The following ELFN2 variants were observed in gnomAD, a reference collection of about 807,000 sequenced individuals.
ELFN2 encodes extracellular leucine rich repeat and fibronectin type III domain containing 2.
In ELFN2, 17 loss-of-function variants were observed where a neutral mutation model predicts 45.5. The observed-to-expected ratio is 0.37, with a 90% CI of 0.26 to 0.56. ELFN2 has a LOEUF of 0.56. ELFN2 is among the 20% of genes least tolerant of loss of function. ELFN2 has a pLI of 0.77. For missense variants in ELFN2, 922 were observed against 1,183.2 expected, an observed-to-expected ratio of 0.78 and a Z score of 3.24; for synonymous variants, 550 against 551.5, an observed-to-expected ratio of 1.00 and a Z score of 0.04.
intron 2 of ELFN2, among the ~76,000 whole-genome samples, chr22:37,386,105 C>A (rs1931939135): frequency 6.6e-6 from 1 of 152,164 alleles, no homozygotes; most frequent in African/African-American, 2.4e-5. Flanking sequence ...CTGCCTGGGT[C>A]AAGTTTGGGA....
At chr22:37,400,543 G>A (rs1049036457) in intron 2 of ELFN2, among the ~76,000 whole-genome samples, 9 of 152,302 alleles carry the variant, frequency 5.9e-5, no homozygotes, top group Non-Finnish European at 7.4e-5. Context: ...AAACCTCTTC[G>A]CTGTCACCCA....
chr22:37,361,502 C>T (rs1374067180), intron 1 of ELFN2, among the ~76,000 whole-genome samples: 1 of 152,060 alleles, frequency 6.6e-6, no homozygotes, highest in Admixed American at 6.5e-5. Context: ...CTGTGAGCAG[C>T]CTTCCAAGCC....
chr22:37,344,260 A>ACCCACCTACC (rs1930642083), intron 1 of ELFN2, among the ~76,000 whole-genome samples: 1 of 101,996 alleles, frequency 9.8e-6, no homozygotes, highest in African/African-American at 4.0e-5. Context: ...ACCCACCTAC[A>ACCCACCTACC]ACGCAATGGT....
At chr22:37,366,715 C>T (rs1388636658), downstream of ELFN2, among the ~76,000 whole-genome samples, 1 of 152,234 alleles carries the variant, frequency 6.6e-6, no homozygotes, top group East Asian at 1.9e-4. Flanking sequence ...TCCTCCTCCT[C>T]CCTTGGTGCA....
Position 37,374,874 on chromosome 22 carries a change from A to C in ELFN2, c.661T>G (p.Phe221Val), listed in dbSNP as rs1931526112. ...GGCACCAGCAGCGGGTAGCCGGCAA[A>C]CTCCCGCGGCGACTCACACTGCAGG... ...DRLQCESPRE[F>V]AGYPLLVPRP... The change falls in exon 3 of 3, where the codon TTT becomes GTT. Residue 221 changes from phenylalanine to valine, a missense_variant. Physicochemically the swap from Phe to Val is conservative, Grantham distance 50. Coordinates refer to ENST00000402918, the MANE Select transcript of ELFN2 (RefSeq NM_052906.5). 4 of 1,609,474 alleles carry C rather than the reference A, an allele frequency of 2.5e-6. No individual in the cohort carries two copies. In the South Asian group the frequency reaches 4.4e-5, roughly 18 times the overall value.
intron 1 of ELFN2, among the ~76,000 whole-genome samples, chr22:37,348,543 G>A (rs1338159373): frequency 6.6e-6 from 1 of 150,824 alleles, no homozygotes; most frequent in Non-Finnish European, 1.5e-5. Flanking sequence ...GCCTTGCAGG[G>A]AAAAGCAAGG....
At chr22:37,407,844 G>A (rs1410746118) in intron 2 of ELFN2, among the ~76,000 whole-genome samples, 2 of 151,826 alleles carry the variant, frequency 1.3e-5, no homozygotes, top group African/African-American at 4.8e-5. Context: ...GCAGTAAGCC[G>A]AGATCGCGCC....
At chr22:37,348,195 G>A (rs1488947338) in intron 1 of ELFN2, among the ~76,000 whole-genome samples, 4 of 152,242 alleles carry the variant, frequency 2.6e-5, no homozygotes, top group African/African-American at 9.6e-5. Context: ...GTGCGCTCAT[G>A]TATGAGGCAT....
At chr22:37,423,355 C>A (rs1932824856) in intron 1 of ELFN2, among the ~76,000 whole-genome samples, 1 of 152,172 alleles carries the variant, frequency 6.6e-6, no homozygotes, top group African/African-American at 2.4e-5. Context: ...CACCCATTTA[C>A]AGATAAGCAA....
chr22:37,373,122 G>A lies in ELFN2; in HGVS notation c.2413C>T (p.His805Tyr), dbSNP rs751906828. ...CCCTTCCAGTAATCAAGGATGTCAT[G>A]CAGATCCTCGTCCTTGGCGAACTGG... ...KVQFAKDEDL[H>Y]DILDYWKGVS... The change falls in exon 3 of 3, where the codon CAT (histidine) becomes TAT (tyrosine). Residue 805 changes from histidine to tyrosine, a missense_variant. This residue lies in a region of ELFN2 where 564 missense variants were observed against 642.8 expected (regional missense o/e 0.88). Coordinates refer to ENST00000402918, the MANE Select transcript of ELFN2 (RefSeq NM_052906.5). 1 of 1,611,508 alleles carries A rather than the reference G, an allele frequency of 6.2e-7. No individual in the cohort carries two copies. The highest frequency in any genetic ancestry group is 1.7e-5 in the Admixed American group (1 of 59,970).
At position 37,347,782 on chromosome 22, in the gene ELFN2, T is replaced by C. The variant is rs116695103; in HGVS notation, n.149-5079A>G. ...GATGGGCCCCCTGGGAAAGTCATAA[T>C]GTCTGACATACTAAGGCAGGGAACC... On this transcript the variant is annotated intron_variant and non_coding_transcript_variant, in intron 1 of 2. Transcript: ENST00000452946. Among the ~76,000 whole-genome samples the C allele has an allele frequency of 2.7e-3, 409 of 152,306 alleles. 5 individuals are homozygous for C. The highest frequency in any genetic ancestry group is 9.6e-3 in the African/African-American group (397 of 41,566).
Position 37,353,557 on chromosome 22 carries a change from A to AGGACTCTT in ELFN2, n.149-10855_149-10854insAAGAGTCC, listed in dbSNP as rs1930875845. On this transcript the variant is annotated intron_variant and non_coding_transcript_variant, in intron 1 of 2. Transcript: ENST00000452946. ...GATTTGCAACAGGACTCTTAATTAC[A>AGGACTCTT]AATCAATGAGAGAAACGGAGATAAC... 1.3e-5 allele frequency: 2 copies of AGGACTCTT among 151,118 alleles called. 1 individual carries two copies. The highest frequency in any genetic ancestry group is 3.0e-5 in the Non-Finnish European group (2 of 67,406). The allele number at this position is 151,118 out of a possible 1,614,324, so 9.4% of individuals were successfully genotyped here.
intron 2 of ELFN2, among the ~76,000 whole-genome samples, chr22:37,394,818 C>T (rs886284675): frequency 1.3e-5 from 2 of 152,068 alleles, no homozygotes; most frequent in African/African-American, 2.4e-5. Flanking sequence ...AGATAAAGAT[C>T]GTCAGGCCAG....
At chr22:37,346,296 G>A (rs952178742) in intron 1 of ELFN2, among the ~76,000 whole-genome samples, 32 of 152,176 alleles carry the variant, frequency 2.1e-4, no homozygotes, top group Admixed American at 5.9e-4. Context: ...GGCTGGCATT[G>A]AGGGCCCTGG....
chr22:37,402,260 T>C (rs527397788), intron 2 of ELFN2, among the ~76,000 whole-genome samples: 2 of 152,350 alleles, frequency 1.3e-5, no homozygotes, highest in East Asian at 1.9e-4. Flanking sequence ...AATCCATTTG[T>C]AGAGTTTGTC....
intron 1 of ELFN2, among the ~76,000 whole-genome samples, chr22:37,357,912 A>G (rs1006249307): frequency 6.6e-6 from 1 of 152,124 alleles, no homozygotes; most frequent in Non-Finnish European, 1.5e-5. Flanking sequence ...CCCCCTCCAC[A>G]CATCACCCTG....
In ELFN2 at chr22:37,417,039, C is replaced by T. The variant is rs1262121395; in HGVS notation, c.-463+730G>A. ...TGCCACAGAGGCGGCTCCCTCACCA[C>T]GGCAACCACCGTCACTCAGCGCCGC... On this transcript the variant is annotated intron_variant, in intron 2 of 2. Transcript: ENST00000402918. The surrounding 1 kb of genome is among the most constrained non-coding windows in gnomAD (Gnocchi z 4.5). Among the ~76,000 whole-genome samples the T allele has an allele frequency of 2.0e-5, 3 of 152,090 alleles. No individual in the cohort carries two copies. Among genetic ancestry groups the T allele is most frequent in the Admixed American group, 6.5e-5 (1 of 15,272 alleles).
At position 37,373,310 on chromosome 22, in the gene ELFN2, G is replaced by C; in HGVS notation, c.2225C>G (p.Thr742Ser). 6.2e-7 allele frequency: 1 copy of C among 1,613,762 alleles called. No homozygotes were observed. The highest frequency in any genetic ancestry group is 8.5e-7 in the Non-Finnish European group (1 of 1,180,010). ...KPLTRSKRDSTYSQLSPRHYY... is the reference protein window; with the variant it reads ...KPLTRSKRDSSYSQLSPRHYY... ...GTGTCTGGGGGAGAGCTGCGAGTAG[G>C]TGGAGTCACGCTTGGAGCGGGTCAG... Residue 742 changes from threonine (T) to serine (S), a missense_variant, in exon 3 of 3, where the codon ACC (threonine) becomes AGC (serine). By Grantham distance (58) the Thr-to-Ser change is moderately conservative. Coordinates refer to ENST00000402918, the MANE Select transcript of ELFN2 (RefSeq NM_052906.5).
chr22:37,391,609 C>T lies in ELFN2; in HGVS notation c.-462-15613G>A, dbSNP rs527660979. 1.4e-4 allele frequency among the ~76,000 whole-genome samples: 21 copies of T among 152,276 alleles called. 1 individual carries two copies. In the South Asian group the frequency reaches 2.1e-3, roughly 15 times the overall value. The stretch of plus-strand genomic sequence containing the variant: ...TAAAGTGGCTCAGCACCCATGACTC[C>T]CCAGATACAAGTCCAGCTGATACAG... On this transcript the variant is annotated intron_variant, in intron 2 of 2. Coordinates refer to ENST00000402918, the MANE Select transcript of ELFN2 (RefSeq NM_052906.5).
Sources: allele counts gnomAD v4.1 joint callset (sites outside exome capture counted in the v4.1 genomes callset), GRCh38; gene constraint gnomAD v4.1.1; regional missense constraint gnomAD v4.1.1; non-coding constraint Gnocchi (gnomAD v3.1); transcripts MANE v1.5; gene names NCBI Gene and HGNC (gene_info 2026-07-23, HGNC 2026-07-21).